The following ADARB2 variants were observed in gnomAD, a reference collection of about 807,000 sequenced individuals.
The protein encoded by ADARB2 is adenosine deaminase RNA specific B2 (inactive), also known as inactive double-stranded RNA-specific editase B2.
In ADARB2, 25 loss-of-function variants were observed where a neutral mutation model predicts 62.2. The ratio of observed to expected loss-of-function variants is 0.40; its 90% CI spans 0.29 to 0.56. ADARB2 has a LOEUF of 0.56. Among genes scored for constraint, ADARB2 ranks in the 20% least tolerant of loss-of-function variants. ADARB2 has a pLI of 0.43. For synonymous variants in ADARB2, 572 were observed against 500.8 expected, an observed-to-expected ratio of 1.14 and a Z score of -1.90; for missense variants, 1,071 against 1,077.4, an observed-to-expected ratio of 0.99 and a Z score of 0.08.
At chr10:1,696,971 ATT>A (rs11404553) in intron 1 of ADARB2, among the ~76,000 whole-genome samples, 15 of 149,866 alleles carry the variant, frequency 1.0e-4, no homozygotes, top group African/African-American at 2.7e-4. Context: ...TTATTTTGTG[ATT>A]TTTTTTTTTT....
chr10:1,254,243 G>A (rs1365344085), intron 4 of ADARB2, among the ~76,000 whole-genome samples: 2 of 152,172 alleles, frequency 1.3e-5, no homozygotes, highest in Non-Finnish European at 2.9e-5. Context: ...GGTTACTGGT[G>A]TAGAACTCCA....
intron 1 of ADARB2, among the ~76,000 whole-genome samples, chr10:1,489,486 C>T (rs1194563527): frequency 6.6e-6 from 1 of 152,220 alleles, no homozygotes; most frequent in African/African-American, 2.4e-5. Context: ...GAACAAATAC[C>T]TTCACAGCCG....
At chr10:1,499,602 C>G (rs1831738911) in intron 1 of ADARB2, among the ~76,000 whole-genome samples, 1 of 151,160 alleles carries the variant, frequency 6.6e-6, no homozygotes, top group Non-Finnish European at 1.5e-5. Flanking sequence ...CATTTTTACT[C>G]AACACTCACT....
At chr10:1,270,889 C>A (rs1831254813) in intron 4 of ADARB2, 66 bp downstream of exon 4, 3 of 1,413,154 alleles carry the variant, frequency 2.1e-6, no homozygotes, top group Non-Finnish European at 3.0e-6. Context: ...CCTCCAAGAT[C>A]AGGTAGATGC....
At chr10:1,601,796 C>G (rs771593792) in intron 1 of ADARB2, among the ~76,000 whole-genome samples, 1 of 152,182 alleles carries the variant, frequency 6.6e-6, no homozygotes, top group Non-Finnish European at 1.5e-5. Flanking sequence ...TCTTTAGGAA[C>G]AGTTGTCACT....
intron 1 of ADARB2, among the ~76,000 whole-genome samples, chr10:1,538,272 G>C (rs1832359595): frequency 1.3e-5 from 2 of 152,222 alleles, no homozygotes; most frequent in Admixed American, 1.3e-4. Context: ...CTCTGGGAAG[G>C]AGGGAGCCCG....
intron 1 of ADARB2, among the ~76,000 whole-genome samples, chr10:1,516,757 A>G (rs1354470722): frequency 6.6e-6 from 1 of 152,224 alleles, no homozygotes; most frequent in African/African-American, 2.4e-5. Flanking sequence ...GATGGGGGAA[A>G]ATGAGTTAAA....
Position 1,418,553 on chromosome 10 carries a change from T to C in ADARB2, c.101-39393A>G, listed in dbSNP as rs1465473908. On this transcript the variant is annotated intron_variant, in intron 1 of 9. Coordinates refer to ENST00000381312, the MANE Select transcript of ADARB2 (RefSeq NM_018702.4). ...ACCAACAAAATAATTGGAATGGCAT[T>C]GACAAGGGGAAAAACAGCCCGCAGT... Among the ~76,000 whole-genome samples, 6 of 152,210 alleles carry C rather than the reference T, an allele frequency of 3.9e-5. No individual in the cohort carries two copies. The East Asian group carries it at 1.2e-3, about 29-fold the overall frequency.
chr10:1,465,484 G>A (rs548575283), intron 1 of ADARB2, among the ~76,000 whole-genome samples: 90 of 152,306 alleles, frequency 5.9e-4, no homozygotes, highest in Non-Finnish European at 5.4e-4. Flanking sequence ...GGTCGGGGAC[G>A]TCACTGTGTC....
chr10:1,340,127 G>A (rs1028104031), intron 3 of ADARB2, among the ~76,000 whole-genome samples: 1,541 of 114,142 alleles, frequency 0.014, 30 homozygotes, highest in East Asian at 0.053. Flanking sequence ...AGAGAACCAC[G>A]CGCCCCACAG....
intron 4 of ADARB2, among the ~76,000 whole-genome samples, chr10:1,258,092 C>T (rs1475479180): frequency 6.6e-6 from 1 of 152,112 alleles, no homozygotes; most frequent in Non-Finnish European, 1.5e-5. Context: ...TTCTTTCTTC[C>T]TTCTCCTTCC....
At chr10:1,724,752 C>G (rs1391517745) in intron 1 of ADARB2, among the ~76,000 whole-genome samples, 1 of 152,208 alleles carries the variant, frequency 6.6e-6, no homozygotes, top group Non-Finnish European at 1.5e-5. Context: ...CTAGCCACGT[C>G]TACCCTTTGT....
intron 1 of ADARB2, among the ~76,000 whole-genome samples, chr10:1,674,179 C>A (rs1029104264): frequency 6.6e-6 from 1 of 152,184 alleles, no homozygotes; most frequent in African/African-American, 2.4e-5. Flanking sequence ...AATGTGTGCA[C>A]CTTCTCTACT....
intron 3 of ADARB2, among the ~76,000 whole-genome samples, chr10:1,328,196 G>C (rs1027388824): frequency 6.6e-6 from 1 of 152,234 alleles, no homozygotes; most frequent in Admixed American, 6.5e-5. Context: ...CAACACCCAT[G>C]ACGTGGAGAT....
rs1832083289 is a variant in ADARB2 at position 1,346,621 on chromosome 10, T to C, written c.1077+16407A>G. Among the ~76,000 whole-genome samples the C allele has an allele frequency of 2.0e-5, 3 of 152,356 alleles. No homozygotes were observed. The East Asian group carries it at 5.8e-4, about 29-fold the overall frequency. ...CCCAGCCATGCTGCAGGCTCCAGCC[T>C]TTACAGAGGCACTTGGTACTAGGGA... On this transcript the variant is annotated intron_variant, in intron 3 of 9. Transcript: ENST00000381312.
chr10:1,662,680 A>G (rs1834265676), intron 1 of ADARB2, among the ~76,000 whole-genome samples: 2 of 152,342 alleles, frequency 1.3e-5, no homozygotes, highest in South Asian at 2.1e-4. Flanking sequence ...CTCGAAACCC[A>G]TGGCTTCCAG....
intron 1 of ADARB2, among the ~76,000 whole-genome samples, chr10:1,608,372 G>A (rs554297786): frequency 1.3e-5 from 2 of 152,140 alleles, no homozygotes; most frequent in Admixed American, 6.5e-5. Context: ...CGTCACCAGC[G>A]GCAGGAAATA....
At chr10:1,642,033 A>G (rs1253113664) in intron 1 of ADARB2, among the ~76,000 whole-genome samples, 1 of 152,176 alleles carries the variant, frequency 6.6e-6, no homozygotes, top group African/African-American at 2.4e-5. Context: ...TGTTCCTGTT[A>G]TAACTAATTT....
At chr10:1,260,419 A>C (rs1405996341) in intron 4 of ADARB2, among the ~76,000 whole-genome samples, 1 of 151,586 alleles carries the variant, frequency 6.6e-6, no homozygotes, top group Non-Finnish European at 1.5e-5. Context: ...TCTCAGCCCA[A>C]AATCTCCTTA....
Sources: allele counts gnomAD v4.1 joint callset (sites outside exome capture counted in the v4.1 genomes callset), GRCh38; gene constraint gnomAD v4.1.1; transcripts MANE v1.5; gene names NCBI Gene and HGNC (gene_info 2026-07-23, HGNC 2026-07-21).